Variants in ARB2A observed in about 807,000 individuals in gnomAD.
ARB2A encodes the protein ARB2 cotranscriptional regulator A.
At chr5:93,715,438 T>C in the ARB2A span, among the ~76,000 whole-genome samples, 1 of 152,194 alleles carries the variant, frequency 6.6e-6, no homozygotes. Flanking sequence ...CTTTGCACTT[T>C]GTAGTGTGCA....
the ARB2A span, among the ~76,000 whole-genome samples, chr5:94,073,057 G>C: frequency 6.6e-6 from 1 of 152,054 alleles, no homozygotes; most frequent in Non-Finnish European, 1.5e-5. Context: ...ACCTCCAAGA[G>C]TGCATCTTGC....
chr5:94,099,717 G>A, the ARB2A span, among the ~76,000 whole-genome samples: 1 of 147,306 alleles, frequency 6.8e-6, no homozygotes, highest in Non-Finnish European at 1.5e-5. Flanking sequence ...ATGATAATCT[G>A]AATAGGCTTT....
the ARB2A span, among the ~76,000 whole-genome samples, chr5:93,747,174 G>A: frequency 1.3e-5 from 2 of 152,246 alleles, no homozygotes; most frequent in South Asian, 4.1e-4. Context: ...TAATCATAAT[G>A]TGATATGGAC....
chr5:93,750,980 T>C, the ARB2A span, among the ~76,000 whole-genome samples: 396 of 152,332 alleles, frequency 2.6e-3, 2 homozygotes, highest in Non-Finnish European at 4.3e-3. Context: ...TGAAAATGTT[T>C]ACATTACTTT....
the ARB2A span, among the ~76,000 whole-genome samples, chr5:93,958,239 C>T: frequency 6.6e-6 from 1 of 151,948 alleles, no homozygotes. Flanking sequence ...ATGTCTCATG[C>T]TTAAAGCATT....
the ARB2A span, among the ~76,000 whole-genome samples, chr5:93,686,016 T>A: frequency 3.3e-5 from 5 of 152,244 alleles, no homozygotes. Context: ...GTACTGACTA[T>A]GTGTTAGGCA....
chr5:93,722,356 G>A, the ARB2A span, among the ~76,000 whole-genome samples: 1 of 151,914 alleles, frequency 6.6e-6, no homozygotes, highest in Non-Finnish European at 1.5e-5. Flanking sequence ...GTTTAGTTAT[G>A]GGACCTACTC....
the ARB2A span, among the ~76,000 whole-genome samples, chr5:93,728,595 C>T: frequency 8.6e-5 from 13 of 151,918 alleles, no homozygotes; most frequent in African/African-American, 3.1e-4. Flanking sequence ...TAAGAACAGG[C>T]CAGTGGATCT....
At chr5:93,655,504 A>G in the ARB2A span, among the ~76,000 whole-genome samples, 1 of 152,148 alleles carries the variant, frequency 6.6e-6, no homozygotes, top group African/African-American at 2.4e-5. Context: ...TAGGGCCTAT[A>G]GTGAGGGCTT....
At chr5:93,850,157 C>T in the ARB2A span, among the ~76,000 whole-genome samples, 1 of 152,140 alleles carries the variant, frequency 6.6e-6, no homozygotes, top group East Asian at 1.9e-4. Flanking sequence ...TAACCACATA[C>T]ATACAAATGT....
At chr5:93,805,641 T>C in the ARB2A span, 5 of 985,074 alleles carry the variant, frequency 5.1e-6, no homozygotes, top group Admixed American at 1.2e-4. Flanking sequence ...TTTGGGTCCA[T>C]ACAAGAAGCT....
At chr5:93,646,908 A>G in the ARB2A span, among the ~76,000 whole-genome samples, 1 of 152,212 alleles carries the variant, frequency 6.6e-6, no homozygotes, top group African/African-American at 2.4e-5. Context: ...TCCTTTACCA[A>G]GATTCAACAA....
chr5:93,795,049 G>A, the ARB2A span, among the ~76,000 whole-genome samples: 3 of 152,160 alleles, frequency 2.0e-5, no homozygotes, highest in African/African-American at 7.2e-5. Context: ...GGCTACCAGG[G>A]TGAGTAGAGA....
chr5:94,073,919 C>T, the ARB2A span, among the ~76,000 whole-genome samples: 1 of 152,100 alleles, frequency 6.6e-6, no homozygotes, highest in Non-Finnish European at 1.5e-5. Flanking sequence ...ATTCTCAGTT[C>T]TCATCTAATC....
At chr5:93,741,475 T>C in the ARB2A span, 1 of 1,613,364 alleles carries the variant, frequency 6.2e-7, no homozygotes, top group Non-Finnish European at 8.5e-7. Context: ...GGTCAGAGTG[T>C]CAACCCGCAG....
chr5:93,691,292 G>C, the ARB2A span, among the ~76,000 whole-genome samples: 1 of 151,896 alleles, frequency 6.6e-6, no homozygotes, highest in Non-Finnish European at 1.5e-5. Flanking sequence ...AAAGGTTAGA[G>C]GAATTGCTAA....
At chr5:93,628,763 C>A in the ARB2A span, among the ~76,000 whole-genome samples, 4 of 152,314 alleles carry the variant, frequency 2.6e-5, no homozygotes, top group African/African-American at 7.2e-5. Flanking sequence ...TCAGCCTTCA[C>A]AGAATTGAAG....
the ARB2A span, among the ~76,000 whole-genome samples, chr5:94,067,140 C>T: frequency 9.9e-5 from 15 of 152,268 alleles, no homozygotes; most frequent in Non-Finnish European, 1.9e-4. Flanking sequence ...AATTCAACAA[C>T]CTCCCTGATA....
the ARB2A span, among the ~76,000 whole-genome samples, chr5:93,889,469 T>C: frequency 6.6e-6 from 1 of 151,906 alleles, no homozygotes; most frequent in African/African-American, 2.4e-5. Flanking sequence ...TGCTAAATAA[T>C]TTAATTACTT....
Sources: gnomAD v4.1 joint callset for allele counts (sites outside exome capture counted in the v4.1 genomes callset) on GRCh38, gnomAD v4.1.1 for gene constraint, MANE v1.5 for transcripts, NCBI Gene and HGNC (gene_info 2026-07-23, HGNC 2026-07-21) for gene names.